ZC3H12C: variants seen among roughly 807,000 people sequenced by gnomAD.
ZC3H12C encodes zinc finger CCCH-type containing 12C, also known as probable ribonuclease ZC3H12C.
Under a neutral mutation model 76.3 loss-of-function variants are expected in ZC3H12C, and 20 were observed. That is an observed-to-expected ratio of 0.26 (90% CI 0.18 to 0.38). The LOEUF (loss-of-function observed/expected upper bound fraction) is 0.38, where lower values mean the gene tolerates loss of function less well. Among genes scored for constraint, ZC3H12C ranks in the 10% least tolerant of loss-of-function variants. The probability of loss-of-function intolerance (pLI) is 1.00; values close to 1 mark genes in which losing one functional copy is unlikely to be tolerated. For synonymous variants in ZC3H12C, 352 were observed against 399.6 expected, an observed-to-expected ratio of 0.88 and a Z score of 1.42; for missense variants, 874 against 1,086.5, an observed-to-expected ratio of 0.80 and a Z score of 2.75.
chr11:110,159,437 A>G lies in ZC3H12C; in HGVS notation c.1095A>G (p.Glu365=), dbSNP rs750307348. The change falls in exon 4 of 6, where the codon GAA becomes GAG. Residue 365 remains glutamate (E), a synonymous_variant. Coordinates refer to ENST00000278590, the MANE Select transcript of ZC3H12C (RefSeq NM_033390.2). ...NYRDLANEKP[E]WKKFIDERLL... ...GGGACTTGGCTAATGAGAAGCCAGA[A>G]TGGAAGAAGTTCATAGATGAACGAT... 12 of 1,613,662 alleles carry G rather than the reference A, an allele frequency of 7.4e-6. No individual in the cohort carries two copies. In the East Asian group the frequency reaches 2.4e-4, roughly 33 times the overall value.
In ZC3H12C at chr11:110,166,007, T is replaced by C. The variant is rs1417424763; in HGVS notation, c.*270T>C. On this transcript the variant is annotated 3_prime_UTR_variant, in exon 6 of 6. Transcript: ENST00000278590. ...AATTTTTCCAGTTTGATTTAATAGA[T>C]GTATCTGTGATCTTTGATATTAATC... The C allele has an allele frequency of 2.6e-6, 1 of 389,390 alleles. No individual in the cohort carries two copies. The highest frequency in any genetic ancestry group is 4.6e-6 in the Non-Finnish European group (1 of 216,860). 24.1% of individuals were successfully genotyped at this position (389,390 alleles called of 1,614,324 possible).
At chr11:110,157,333 A>G (rs1020605825) in intron 3 of ZC3H12C, among the ~76,000 whole-genome samples, 4 of 152,116 alleles carry the variant, frequency 2.6e-5, no homozygotes, top group African/African-American at 9.7e-5. Context: ...ACTGCATTTG[A>G]CAACATGAAG....
intron 1 of ZC3H12C, among the ~76,000 whole-genome samples, chr11:110,103,200 G>A (rs955933032): frequency 5.3e-5 from 8 of 152,166 alleles, no homozygotes; most frequent in African/African-American, 1.9e-4. Context: ...AACTTGGAAT[G>A]CGTTGTGTGA....
chr11:110,109,561 T>C (rs1478010435), intron 1 of ZC3H12C, among the ~76,000 whole-genome samples: 1 of 152,170 alleles, frequency 6.6e-6, no homozygotes, highest in African/African-American at 2.4e-5. Flanking sequence ...TGTTAATGGG[T>C]TTTACTTTTT....
At chr11:110,093,549 C>A in intron 1 of ZC3H12C, 117 bp downstream of exon 1, 1 of 709,020 alleles carries the variant, frequency 1.4e-6, no homozygotes, top group Non-Finnish European at 1.9e-6. Context: ...GGCGCCGGGG[C>A]CGCAGCGACC....
chr11:110,127,857 C>T (rs2134168306), intron 1 of ZC3H12C, among the ~76,000 whole-genome samples: 1 of 149,886 alleles, frequency 6.7e-6, no homozygotes, highest in East Asian at 2.0e-4. Context: ...GATTGTGCCA[C>T]TGTACTCCAG....
At chr11:110,156,707 G>T (rs1379259992) in intron 3 of ZC3H12C, among the ~76,000 whole-genome samples, 3 of 152,214 alleles carry the variant, frequency 2.0e-5, no homozygotes, top group Non-Finnish European at 4.4e-5. Flanking sequence ...TCCACAGACA[G>T]TCATTGAACA....
intron 3 of ZC3H12C, among the ~76,000 whole-genome samples, chr11:110,157,011 T>C (rs1260070291): frequency 6.6e-6 from 1 of 151,976 alleles, no homozygotes; most frequent in African/African-American, 2.4e-5. Context: ...AAACCCCATC[T>C]CTACTAAAAT....
At chr11:110,101,673 G>A (rs562199133) in intron 1 of ZC3H12C, among the ~76,000 whole-genome samples, 11 of 151,636 alleles carry the variant, frequency 7.3e-5, no homozygotes, top group Non-Finnish European at 8.8e-5. Flanking sequence ...TCAGCCTCCC[G>A]AGCAGCTGGG....
chr11:110,105,442 A>G (rs1861305166), intron 1 of ZC3H12C, among the ~76,000 whole-genome samples: 1 of 152,194 alleles, frequency 6.6e-6, no homozygotes, highest in Admixed American at 6.5e-5. Context: ...ATGTTAAATC[A>G]TGCATATGAA....
chr11:110,146,604 C>G (rs184868023), intron 2 of ZC3H12C, among the ~76,000 whole-genome samples: 1 of 152,290 alleles, frequency 6.6e-6, no homozygotes, highest in African/African-American at 2.4e-5. Flanking sequence ...TCCTAGCTTC[C>G]TATAGTAGTG....
intron 1 of ZC3H12C, among the ~76,000 whole-genome samples, chr11:110,095,678 C>T (rs1861100780): frequency 6.6e-6 from 1 of 152,030 alleles, no homozygotes; most frequent in African/African-American, 2.4e-5. Context: ...GTACTAAGTT[C>T]CGTGAAAAAA....
intron 1 of ZC3H12C, among the ~76,000 whole-genome samples, chr11:110,120,651 A>T (rs1242659989): frequency 2.6e-5 from 4 of 152,194 alleles, no homozygotes; most frequent in African/African-American, 9.6e-5. Flanking sequence ...TAAAAATCAC[A>T]AGTGTTAATT....
intron 2 of ZC3H12C, among the ~76,000 whole-genome samples, chr11:110,139,297 A>G (rs1256464939): frequency 6.6e-6 from 1 of 152,220 alleles, no homozygotes; most frequent in African/African-American, 2.4e-5. Context: ...TATATTCTTC[A>G]TTACATAAAA....
At chr11:110,151,086 A>T (rs2134189652) in intron 2 of ZC3H12C, among the ~76,000 whole-genome samples, 1 of 152,110 alleles carries the variant, frequency 6.6e-6, no homozygotes, top group African/African-American at 2.4e-5. Context: ...TTTCCCTGTG[A>T]GTCTTTGTGG....
chr11:110,148,541 T>C (rs1169009211), intron 2 of ZC3H12C, among the ~76,000 whole-genome samples: 2 of 152,212 alleles, frequency 1.3e-5, no homozygotes, highest in Non-Finnish European at 2.9e-5. Flanking sequence ...GGAGACTTTT[T>C]GGCAAACATT....
At chr11:110,095,406 T>A (rs531615825) in intron 1 of ZC3H12C, among the ~76,000 whole-genome samples, 1 of 152,372 alleles carries the variant, frequency 6.6e-6, no homozygotes, top group East Asian at 1.9e-4. Flanking sequence ...GTGTGTTTCA[T>A]TGTTTTTGTA....
intron 3 of ZC3H12C, among the ~76,000 whole-genome samples, chr11:110,156,528 C>T (rs926278361): frequency 1.3e-5 from 2 of 152,192 alleles, no homozygotes; most frequent in African/African-American, 4.8e-5. Context: ...AACATGATGA[C>T]TGTGAGGCCA....
intron 1 of ZC3H12C, chr11:110,131,335 A>T (rs1861862421): frequency 1.8e-6 from 1 of 541,658 alleles, no homozygotes; most frequent in Non-Finnish European, 3.3e-6. Flanking sequence ...CTTCATGAAC[A>T]TTTATAAGGC....
Sources: allele counts gnomAD v4.1 joint callset (sites outside exome capture counted in the v4.1 genomes callset), GRCh38; gene constraint gnomAD v4.1.1; transcripts MANE v1.5; gene names NCBI Gene and HGNC (gene_info 2026-07-23, HGNC 2026-07-21).